Variants in LTK observed in about 807,000 individuals in gnomAD.
LTK encodes the protein leukocyte receptor tyrosine kinase.
LTK carries 117 observed loss-of-function variants against 101.5 expected under a neutral mutation model. The observed-to-expected ratio is 1.15, with a 90% confidence interval of 0.99 to 1.34. The LOEUF (loss-of-function observed/expected upper bound fraction) is 1.34. Ranked by LOEUF, LTK falls within the 40% of genes most tolerant of loss-of-function variation. The pLI is 0.00. For synonymous variants in LTK, 563 were observed against 494.2 expected (o/e 1.14, Z -1.85); for missense variants, 1,252 against 1,164.7 (o/e 1.07, Z -1.09).
chr15:41,507,384 G>C, intron 10 of LTK, 94 bp from the exon 11 acceptor site: 1 of 1,478,632 alleles, frequency 6.8e-7, no homozygotes, highest in East Asian at 2.5e-5. Context: ...GCTCATTAAG[G>C]TAAACGTTTT....
At chr15:41,512,953 A>G in intron 2 of LTK, 24 bp downstream of exon 2, 1 of 1,613,044 alleles carries the variant, frequency 6.2e-7, no homozygotes, top group Non-Finnish European at 8.5e-7. Flanking sequence ...TGAGCGAAAG[A>G]GGAAGGAGGC....
rs2051195321 is a variant in LTK at position 41,504,721 on chromosome 15, T to TGGCTGGAA, written c.2120+51_2120+52insTTCCAGCC. 6 of 1,588,542 alleles carry TGGCTGGAA rather than the reference T, an allele frequency of 3.8e-6. No homozygotes were observed. In the East Asian group the frequency reaches 1.3e-4, roughly 35 times the overall value. On this transcript the variant is annotated intron_variant, in intron 17 of 19. Coordinates refer to ENST00000263800, the MANE Select transcript of LTK (RefSeq NM_002344.6). Reference sequence around the variant, plus strand: ...ATGAGGTGGCTGGAAAGGACAGGATTAGCCTCAGGGGAGGGGAACAGTGGG... The same window carrying TGGCTGGAA: ...ATGAGGTGGCTGGAAAGGACAGGATTGGCTGGAAAGCCTCAGGGGAGGGGAACAGTGGG...
At chr15:41,510,332 C>T (rs2051415579) in intron 7 of LTK, among the ~76,000 whole-genome samples, 1 of 151,750 alleles carries the variant, frequency 6.6e-6, no homozygotes, top group South Asian at 2.1e-4. Context: ...AAGAATACAT[C>T]GTCATTAACT....
rs766728881 is a variant in LTK at position 41,506,052 on chromosome 15, G to GAGTC, written c.1542-51_1542-48dup. On this transcript the variant is annotated intron_variant, in intron 11 of 19. Transcript: ENST00000263800. The stretch of plus-strand genomic sequence containing the variant: ...GGGAGTGGGCAGGCGGCCTGGAGAA[G>GAGTC]AGTCCTAGAGAGTCTAGTACCCCCT... The GAGTC allele has an allele frequency of 5.6e-6, 7 of 1,257,258 alleles. 1 individual carries two copies. In the South Asian group the frequency reaches 8.5e-5, roughly 15 times the overall value. The allele number at this position is 1,257,258 out of a possible 1,614,324, so 77.9% of individuals were successfully genotyped here.
At chr15:41,512,310 CG>C in intron 3 of LTK, 45 bp from the exon 4 acceptor site, 1 of 1,580,842 alleles carries the variant, frequency 6.3e-7, no homozygotes, top group African/African-American at 1.4e-5. Context: ...GTGCTCAGGC[CG>C]GCCGCTCCGG....
chr15:41,503,960 A>G lies in LTK; in HGVS notation c.*36T>C, dbSNP rs1326706762. 6.5e-7 allele frequency: 1 copy of G among 1,547,178 alleles called. No individual in the cohort carries two copies. Among genetic ancestry groups the G allele is most frequent in the Admixed American group, 2.1e-5 (1 of 48,640 alleles). On this transcript the variant is annotated 3_prime_UTR_variant, in exon 20 of 20. Coordinates refer to ENST00000263800, the MANE Select transcript of LTK (RefSeq NM_002344.6). ...CTGAGGAGTATAGGGAGGGACCCTC[A>G]GTGCCTCAGTCCTTACCCTCAGGGC...
At position 41,504,555 on chromosome 15, in the gene LTK, C is replaced by T. The variant is rs776833403; in HGVS notation, c.2206G>A (p.Val736Ile). The change falls in exon 18 of 20, where the codon GTC becomes ATC. Residue 736 changes from valine (V) to isoleucine (I), a missense_variant. Transcript: ENST00000263800. ...GGGTCCATCCGGCCTCCTCCAACGA[C>T]GAAGTCCAGCACCTCCTGGTTGGTG... ...GRTNQEVLDF[V>I]VGGGRMDPPR... 188 of 1,613,890 alleles carry T rather than the reference C, an allele frequency of 1.2e-4. No individual in the cohort carries two copies. Among genetic ancestry groups the T allele is most frequent in the Middle Eastern group, 8.3e-4 (5 of 6,060 alleles).
chr15:41,507,485 G>A, intron 10 of LTK, 77 bp downstream of exon 10: 2 of 1,570,752 alleles, frequency 1.3e-6, no homozygotes, highest in Non-Finnish European at 1.7e-6. Flanking sequence ...GTCAGCCCCG[G>A]GACCCCGCAG....
Position 41,512,759 on chromosome 15 carries a change from C to T in LTK, c.307G>A (p.Gly103Arg). Residue 103 changes from glycine (G) to arginine (R), a missense_variant, in exon 3 of 20, where the codon GGG becomes AGG. Gly to Arg is a moderately radical substitution (Grantham distance 125). Coordinates refer to ENST00000263800, the MANE Select transcript of LTK (RefSeq NM_002344.6). ...TSVVVTVGAA[G>R]QLRGVQLWRV... ...CACAGCTGCACGCCTCTCAGCTGCC[C>T]GGCGGCCCCCACGGTCACCACCACG... 1.2e-6 allele frequency: 2 copies of T among 1,609,612 alleles called. No individual in the cohort carries two copies. The highest frequency in any genetic ancestry group is 1.7e-6 in the Non-Finnish European group (2 of 1,178,850).
intron 17 of LTK, 21 bp downstream of exon 17, chr15:41,504,752 G>A: frequency 6.2e-7 from 1 of 1,603,518 alleles, no homozygotes; most frequent in Non-Finnish European, 8.5e-7. Flanking sequence ...GTGGGGAAGG[G>A]GAGGGGAAGG....
rs1158838756 is a variant in LTK, at chr15:41,512,688, A to C, written c.359+19T>G. On this transcript the variant is annotated intron_variant, in intron 3 of 19. Transcript: ENST00000263800. ...CAACTAGCAGGTCACTGTCCACCCT[A>C]CCTCCGCCGTGCACTTACAGATACT... 6.5e-7 allele frequency: 1 copy of C among 1,542,046 alleles called. No individual in the cohort carries two copies. Among genetic ancestry groups the C allele is most frequent in the Non-Finnish European group, 8.7e-7 (1 of 1,147,658 alleles).
At chr15:41,512,924 C>A (rs2051537127) in intron 2 of LTK, 46 bp from the exon 3 acceptor site, 1 of 1,610,150 alleles carries the variant, frequency 6.2e-7, no homozygotes, top group Admixed American at 1.7e-5. Flanking sequence ...CCTGGCTGGG[C>A]CAGAGGGGTC....
At position 41,512,257 on chromosome 15, in the gene LTK, G is replaced by A; in HGVS notation, c.368C>T (p.Ala123Val). The A allele has an allele frequency of 1.9e-6, 3 of 1,612,054 alleles. No homozygotes were observed. The highest frequency in any genetic ancestry group is 2.5e-6 in the Non-Finnish European group (3 of 1,179,394). ...GCCTTTGCCGCCCGCGGCTCCGTAG[G>A]CTGAGATCCTGCGGGGAACGGACGG... ...VPGPGQYLIS[A>V]YGAAGGKGAK... is the part of the protein sequence containing the mutation. The change falls in exon 4 of 20, where the codon GCC becomes GTC. Residue 123 changes from alanine to valine, a missense_variant. Ala to Val is a moderately conservative substitution (Grantham distance 64). Transcript: ENST00000263800.
intron 3 of LTK, 107 bp from the exon 4 acceptor site, chr15:41,512,372 C>G: frequency 6.1e-6 from 6 of 978,044 alleles, no homozygotes; most frequent in African/African-American, 1.6e-5. Context: ...ATCTGAGGGA[C>G]TTGGAGGCTG....
At chr15:41,508,260 G>A (rs1344958564) in intron 8 of LTK, 39 bp from the exon 9 acceptor site, 2 of 1,571,610 alleles carry the variant, frequency 1.3e-6, no homozygotes, top group Admixed American at 3.5e-5. Flanking sequence ...GTGTGGTAGG[G>A]CTGGGATATA....
Position 41,509,116 on chromosome 15 carries a change from T to C in LTK, c.1011A>G (p.Ser337=). 3.7e-6 allele frequency: 6 copies of C among 1,612,224 alleles called. No homozygotes were observed. Among genetic ancestry groups the C allele is most frequent in the Non-Finnish European group, 5.1e-6 (6 of 1,178,278 alleles). ...CATCAGCCCAGAGGTTGTCAGTCTC[T>C]GAAGCGTCGCCCCCTGGAAGTGGAG... ...GGGGYRGGDA[S]ETDNLWADGE... Residue 337 remains serine (S), a synonymous_variant, in exon 8 of 20, where the codon TCA becomes TCG. Transcript: ENST00000263800.
chr15:41,511,679 G>A lies in LTK; in HGVS notation c.658-101C>T. The stretch of plus-strand genomic sequence containing the variant: ...CCCAGGGGGCCTGGATAAGGGCAGG[G>A]GCCCCCAGCCCAGCCCAGGCCAGCC... On this transcript the variant is annotated intron_variant, in intron 5 of 19. Transcript: ENST00000263800. The surrounding 1 kb of genome is among the most constrained non-coding windows in gnomAD (Gnocchi z 5.9). The A allele has an allele frequency of 7.1e-7, 1 of 1,410,992 alleles. No individual in the cohort carries two copies. The highest frequency in any genetic ancestry group is 1.5e-5 in the South Asian group (1 of 67,354). 87.4% of individuals were successfully genotyped at this position (1,410,992 alleles called of 1,614,324 possible).
In LTK at chr15:41,513,758, C is replaced by T. The variant is rs779211113; in HGVS notation, c.-49G>A. The T allele has an allele frequency of 5.9e-6, 9 of 1,522,642 alleles. 1 individual carries two copies. Among genetic ancestry groups the T allele is most frequent in the Admixed American group, 5.0e-5 (3 of 59,898 alleles). 94.3% of individuals were successfully genotyped at this position (1,522,642 alleles called of 1,614,324 possible). A position where few individuals can be genotyped will look rare whatever the true frequency, so the allele number is the denominator to read the frequency against. ...AAAAGCCCTTGCGGTCGCGGCCACA[C>T]CCCTGTCAACCTAAAGTTGACAGCT... On this transcript the variant is annotated 5_prime_UTR_variant, in exon 1 of 20. It adds an upstream start codon to the 5' untranslated region. Coordinates refer to ENST00000263800, the MANE Select transcript of LTK (RefSeq NM_002344.6).
chr15:41,507,991 C>T (rs868772824), intron 9 of LTK, 78 bp downstream of exon 9: 98 of 1,453,220 alleles, frequency 6.7e-5, no homozygotes, highest in African/African-American at 5.3e-4. Context: ...AATCTCTATA[C>T]CATCTTTCCC....
Sources: allele counts gnomAD v4.1 joint callset (sites outside exome capture counted in the v4.1 genomes callset), GRCh38; gene constraint gnomAD v4.1.1; non-coding constraint Gnocchi (gnomAD v3.1); transcripts MANE v1.5; gene names NCBI Gene and HGNC (gene_info 2026-07-23, HGNC 2026-07-21).